CABIN1: variants seen among roughly 807,000 people sequenced by gnomAD.
CABIN1 encodes the protein calcineurin-binding protein cabin-1.
CABIN1 carries 133 observed loss-of-function variants against 227.7 expected under a neutral mutation model. That is an observed-to-expected ratio of 0.58 (90% confidence interval 0.51 to 0.67). CABIN1 has a LOEUF of 0.67. Ranked by LOEUF, CABIN1 falls within the 30% of genes least tolerant of loss-of-function variation. CABIN1 has a pLI of 0.00. For missense variants in CABIN1, 2,408 were observed against 2,852.5 expected (o/e 0.84, Z 3.55); for synonymous variants, 1,086 against 1,155.1 (o/e 0.94, Z 1.21).
At chr22:24,117,364 A>C (rs2043146767) in intron 27 of CABIN1, among the ~76,000 whole-genome samples, 1 of 152,036 alleles carries the variant, frequency 6.6e-6, no homozygotes, top group African/African-American at 2.4e-5. Context: ...CACCTGCCTA[A>C]TTTTTTAATT....
At chr22:24,129,252 C>T (rs1344267034) in intron 28 of CABIN1, among the ~76,000 whole-genome samples, 1 of 152,222 alleles carries the variant, frequency 6.6e-6, no homozygotes, top group Non-Finnish European at 1.5e-5. Context: ...GCTTTTGCTT[C>T]CTGTGTGAAG....
At position 24,177,987 on chromosome 22, in the gene CABIN1, TG is replaced by T. The variant is rs1569333351; in HGVS notation, c.6520-64del. Reference sequence around the variant, plus strand: ...GGGGGGCCTGGGGCAGGGGTGAAGGTGGCAGAGGGGCTTGGGGCAGAGCCCA... The same window carrying T: ...GGGGGGCCTGGGGCAGGGGTGAAGGTGCAGAGGGGCTTGGGGCAGAGCCCA... On this transcript the variant is annotated intron_variant, in intron 36 of 36. Coordinates refer to ENST00000263119, the MANE Select transcript of CABIN1 (RefSeq NM_012295.4). The surrounding 1 kb of genome is among the most constrained non-coding windows in gnomAD (Gnocchi z 4.4). 2 of 1,606,374 alleles carry T rather than the reference TG, an allele frequency of 1.2e-6. No individual in the cohort carries two copies. Among genetic ancestry groups the T allele is most frequent in the Admixed American group, 3.3e-5 (2 of 59,842 alleles).
At chr22:24,134,556 T>C in intron 29 of CABIN1, 141 bp downstream of exon 29, 1 of 709,152 alleles carries the variant, frequency 1.4e-6, no homozygotes, top group East Asian at 2.8e-5. Flanking sequence ...GGTGGTACAG[T>C]CGAGAGTGAG....
intron 26 of CABIN1, among the ~76,000 whole-genome samples, chr22:24,105,623 G>A (rs1054305183): frequency 1.3e-5 from 2 of 152,036 alleles, no homozygotes; most frequent in Non-Finnish European, 2.9e-5. Flanking sequence ...TTCCATCCAG[G>A]GTGCCTGTTT....
rs771352424 is a variant in CABIN1 at position 24,166,922 on chromosome 22, G to T, written c.5291G>T (p.Ser1764Ile). 33 of 1,605,848 alleles carry T rather than the reference G, an allele frequency of 2.1e-5. No individual in the cohort carries two copies. Among genetic ancestry groups the T allele is most frequent in the Non-Finnish European group, 2.8e-5 (33 of 1,176,704 alleles). ...GGGCCCACTGAGCCCATGGACACGA[G>T]TGAGGCCACTGTTTGCCACTCAGAC... Reference protein sequence around the residue: ...RAGPTEPMDTSEATVCHSDLE... With the variant: ...RAGPTEPMDTIEATVCHSDLE... Residue 1764 changes from serine to isoleucine, a missense_variant, in exon 32 of 37, where the codon AGT becomes ATT. This residue lies in a region of CABIN1 where 714 missense variants were observed against 773.8 expected (regional missense o/e 0.92). Coordinates refer to ENST00000263119, the MANE Select transcript of CABIN1 (RefSeq NM_012295.4).
intron 29 of CABIN1, among the ~76,000 whole-genome samples, chr22:24,140,100 A>C (rs1386728640): frequency 6.6e-6 from 1 of 152,148 alleles, no homozygotes; most frequent in Non-Finnish European, 1.5e-5. Flanking sequence ...GATTAGAGGC[A>C]CCCTCGGGGG....
intron 28 of CABIN1, among the ~76,000 whole-genome samples, chr22:24,132,113 C>T (rs1011699435): frequency 1.3e-5 from 2 of 151,916 alleles, no homozygotes; most frequent in African/African-American, 2.4e-5. Flanking sequence ...TTGAGTCCAC[C>T]TATGGCTGAT....
chr22:24,139,626 A>C (rs1282267976), intron 29 of CABIN1, among the ~76,000 whole-genome samples: 1 of 151,758 alleles, frequency 6.6e-6, no homozygotes, highest in African/African-American at 2.4e-5. Flanking sequence ...CCATGACACC[A>C]AGTCTTGGAG....
At chr22:24,102,668 A>C (rs1358620475) in intron 26 of CABIN1, among the ~76,000 whole-genome samples, 2 of 152,104 alleles carry the variant, frequency 1.3e-5, no homozygotes, top group South Asian at 2.1e-4. Context: ...TTTAGCCAAG[A>C]TCCGAGGGGT....
chr22:24,146,351 A>G (rs1381611557), intron 29 of CABIN1, among the ~76,000 whole-genome samples: 1 of 152,196 alleles, frequency 6.6e-6, no homozygotes, highest in Non-Finnish European at 1.5e-5. Flanking sequence ...TGTATCCCCG[A>G]GCTCTCCTTC....
chr22:24,091,812 A>G lies in CABIN1; in HGVS notation c.3755A>G (p.Asn1252Ser). ...TACCCCAAGAAGATCCACTACCACA[A>G]CCCACCTGAGCTGGCCATGGAGGCC... ...ARYPKKIHYH[N>S]PPELAMEALE... The change falls in exon 24 of 37, where the codon AAC becomes AGC. Residue 1252 changes from asparagine (N) to serine (S), a missense_variant. Asn to Ser is a conservative substitution (Grantham distance 46, BLOSUM62 1). Around this residue, in one of 3 missense-constraint regions of CABIN1, gnomAD observed 649 missense variants for 910.3 expected, o/e 0.71. Transcript: ENST00000263119. 1 of 1,613,428 alleles carries G rather than the reference A, an allele frequency of 6.2e-7. No individual in the cohort carries two copies. Among genetic ancestry groups the G allele is most frequent in the South Asian group, 1.1e-5 (1 of 91,062 alleles).
intron 26 of CABIN1, among the ~76,000 whole-genome samples, chr22:24,105,327 A>G (rs1327677155): frequency 6.6e-6 from 1 of 152,246 alleles, no homozygotes; most frequent in Non-Finnish European, 1.5e-5. Flanking sequence ...AAGGATTCAG[A>G]GGGAAGGCTG....
chr22:24,118,156 G>A (rs964810665), intron 27 of CABIN1, among the ~76,000 whole-genome samples: 3 of 152,174 alleles, frequency 2.0e-5, no homozygotes, highest in South Asian at 4.1e-4. Context: ...TGGGGGCAGC[G>A]ATGCAGGGGA....
At chr22:24,051,173 A>G (rs1601795906) in intron 8 of CABIN1, among the ~76,000 whole-genome samples, 199 bp downstream of exon 8, 2 of 151,846 alleles carry the variant, frequency 1.3e-5, no homozygotes, top group South Asian at 4.2e-4. Context: ...TCTCTCAAGT[A>G]CCTCCAGTCT....
At chr22:24,047,782 G>A (rs541299509) in intron 6 of CABIN1, among the ~76,000 whole-genome samples, 2 of 152,360 alleles carry the variant, frequency 1.3e-5, no homozygotes, top group South Asian at 4.1e-4. Flanking sequence ...ACTCCTAGGT[G>A]CTTCATTTTC....
At chr22:24,027,171 A>G (rs1480482185) in intron 1 of CABIN1, among the ~76,000 whole-genome samples, 1 of 152,076 alleles carries the variant, frequency 6.6e-6, no homozygotes, top group Non-Finnish European at 1.5e-5. Flanking sequence ...TTTGATTTCT[A>G]GTGTTTATTG....
intron 28 of CABIN1, among the ~76,000 whole-genome samples, chr22:24,126,199 G>A (rs1296103205): frequency 6.6e-6 from 1 of 152,244 alleles, no homozygotes; most frequent in Non-Finnish European, 1.5e-5. Flanking sequence ...TCACGCAGGA[G>A]GTTCCTGTTT....
intron 34 of CABIN1, 25 bp from the exon 35 acceptor site, chr22:24,176,086 C>A (rs765205498): frequency 1.2e-6 from 2 of 1,605,268 alleles, no homozygotes; most frequent in South Asian, 2.2e-5. Flanking sequence ...AGTCTATTAC[C>A]TGCAGTGAGC....
chr22:24,113,806 C>T lies in CABIN1; in HGVS notation c.4300+58C>T, dbSNP rs888422867. Reference sequence around the variant, plus strand: ...CTTTGATGTCCTGTGGCAATCTGGGCAAAGCCGAAGGCTTCGTGGCCCAGG... The same window carrying T: ...CTTTGATGTCCTGTGGCAATCTGGGTAAAGCCGAAGGCTTCGTGGCCCAGG... On this transcript the variant is annotated intron_variant, in intron 27 of 36. Coordinates refer to ENST00000263119, the MANE Select transcript of CABIN1 (RefSeq NM_012295.4). The T allele has an allele frequency of 6.5e-5, 103 of 1,592,202 alleles. No individual in the cohort carries two copies. The highest frequency in any genetic ancestry group is 3.3e-5 in the Admixed American group (2 of 59,898).
Sources: allele counts gnomAD v4.1 joint callset (sites outside exome capture counted in the v4.1 genomes callset), GRCh38; gene constraint gnomAD v4.1.1; regional missense constraint gnomAD v4.1.1; non-coding constraint Gnocchi (gnomAD v3.1); transcripts MANE v1.5; gene names NCBI Gene and HGNC (gene_info 2026-07-23, HGNC 2026-07-21).